The following ZC3H12B variants were observed in gnomAD, a reference collection of about 807,000 sequenced individuals.
The protein encoded by ZC3H12B is probable ribonuclease ZC3H12B.
ZC3H12B carries 7 observed loss-of-function variants against 43.9 expected under a neutral mutation model. That is an observed-to-expected ratio of 0.16 (90% CI 0.09 to 0.30). The LOEUF (loss-of-function observed/expected upper bound fraction) is 0.30. Ranked by LOEUF, ZC3H12B falls within the 10% of genes least tolerant of loss-of-function variation. ZC3H12B has a pLI of 1.00. For synonymous variants in ZC3H12B, 222 were observed against 241.7 expected, an observed-to-expected ratio of 0.92 and a Z score of 0.76; for missense variants, 475 against 670.2, an observed-to-expected ratio of 0.71 and a Z score of 3.22.
upstream of ZC3H12B, among the ~76,000 whole-genome samples, chrX:65,488,123 G>A (rs931992571): frequency 9.0e-6 from 1 of 110,762 alleles, no homozygotes; most frequent in Admixed American, 9.6e-5. Context: ...CGCCCGCCTC[G>A]GCCTCCCAAA....
upstream of ZC3H12B, among the ~76,000 whole-genome samples, chrX:65,364,435 A>T (rs1444313210): frequency 9.2e-6 from 1 of 108,732 alleles, no homozygotes; most frequent in East Asian, 2.9e-4. Flanking sequence ...AACTAGAGTC[A>T]TTCACTGCAA....
At chrX:65,363,246 A>G (rs2066127988), upstream of ZC3H12B, among the ~76,000 whole-genome samples, 1 of 110,882 alleles carries the variant, frequency 9.0e-6, no homozygotes, top group Non-Finnish European at 1.9e-5. Flanking sequence ...TTCAACATTT[A>G]TTCTCCAAAG....
chrX:65,474,710 A>T (rs766542320), intron 3 of ZC3H12B, among the ~76,000 whole-genome samples: 2 of 110,906 alleles, frequency 1.8e-5, no homozygotes, highest in African/African-American at 6.6e-5. Context: ...TCCTGGGCTT[A>T]AGTGATTCTC....
the ZC3H12B span, chrX:65,357,131 C>T: frequency 1.0e-5 from 5 of 487,978 alleles, no homozygotes; most frequent in Non-Finnish European, 1.1e-5. Context: ...TTTGACTTCA[C>T]ATGGGGGCTC....
chrX:65,167,537 G>T, the ZC3H12B span, among the ~76,000 whole-genome samples: 1 of 111,427 alleles, frequency 9.0e-6, no homozygotes, highest in African/African-American at 3.3e-5. Context: ...CTCTTCTTTG[G>T]TTCCATGTTA....
chrX:65,442,173 A>G (rs1263897198), intron 3 of ZC3H12B, among the ~76,000 whole-genome samples: 2 of 109,118 alleles, frequency 1.8e-5, no homozygotes, highest in African/African-American at 6.7e-5. Context: ...AGCATTATAC[A>G]GATTACCTCC....
chrX:65,129,723 A>G, the ZC3H12B span, among the ~76,000 whole-genome samples: 1 of 111,030 alleles, frequency 9.0e-6, no homozygotes, highest in African/African-American at 3.3e-5. Flanking sequence ...GAAAAATAAC[A>G]TAAAATAGTG....
At chrX:65,068,874 G>A in the ZC3H12B span, among the ~76,000 whole-genome samples, 1 of 109,596 alleles carries the variant, frequency 9.1e-6, no homozygotes, top group African/African-American at 3.3e-5. Context: ...ATGCTTGAAG[G>A]ATATTTTGGT....
chrX:65,304,630 C>A, the ZC3H12B span, among the ~76,000 whole-genome samples: 1,158 of 102,031 alleles, frequency 0.011, 12 homozygotes, highest in Non-Finnish European at 0.016. Context: ...AAAAAAAAAA[C>A]AAAAAACAAA....
chrX:65,381,366 C>T (rs144207523), intron 2 of ZC3H12B, among the ~76,000 whole-genome samples: 128 of 111,453 alleles, frequency 1.1e-3, no homozygotes, highest in African/African-American at 3.6e-3. Context: ...GGGTACATAA[C>T]GAAATGAAGG....
chrX:65,050,007 G>A, the ZC3H12B span, among the ~76,000 whole-genome samples: 2 of 111,309 alleles, frequency 1.8e-5, no homozygotes. Flanking sequence ...TTGGTCTGAA[G>A]ATATTTTGAA....
At chrX:65,418,928 T>C (rs184465707) in intron 3 of ZC3H12B, among the ~76,000 whole-genome samples, 1 of 111,917 alleles carries the variant, frequency 8.9e-6, no homozygotes, top group East Asian at 2.8e-4. Context: ...AGGGTAACTG[T>C]GCAACATAGA....
At chrX:65,294,871 A>C in the ZC3H12B span, among the ~76,000 whole-genome samples, 41 of 111,322 alleles carry the variant, frequency 3.7e-4, no homozygotes, top group African/African-American at 1.3e-3. Flanking sequence ...ACTAGACCTA[A>C]GAAATGAGAT....
the ZC3H12B span, among the ~76,000 whole-genome samples, chrX:65,229,977 T>G: frequency 1.8e-5 from 2 of 111,752 alleles, no homozygotes; most frequent in African/African-American, 3.3e-5. Context: ...GTCAGTGTGG[T>G]GATTCCTCTG....
rs188477710 is a variant in ZC3H12B, at chrX:65,403,680, G to A, written n.407+4976G>A. On this transcript the variant is annotated intron_variant and non_coding_transcript_variant, in intron 3 of 5. Transcript: ENST00000617377. ...GAGTGTGACATGACATATTTAAAGT[G>A]TTGAAGGGAAAAAACTGTTACCCTA... Among the ~76,000 whole-genome samples, 10 of 111,608 alleles carry A rather than the reference G, an allele frequency of 9.0e-5. No homozygotes were observed. The Admixed American group carries it at 9.5e-4, about 11-fold the overall frequency.
chrX:65,494,177 G>C (rs959772072), intron 1 of ZC3H12B, among the ~76,000 whole-genome samples: 1 of 110,943 alleles, frequency 9.0e-6, no homozygotes, highest in African/African-American at 3.3e-5. Flanking sequence ...TTGGATTTTG[G>C]AGTTTTTTTT....
chrX:65,126,860 T>C, the ZC3H12B span, among the ~76,000 whole-genome samples: 1 of 108,830 alleles, frequency 9.2e-6, no homozygotes, highest in Admixed American at 1.0e-4. Context: ...TTGTGATTGT[T>C]TTTTTATTTA....
rs182207461 is a variant in ZC3H12B, at chrX:65,389,404, C to T, written n.296-9189C>T. ...CTCAGACTGCTGTGCTAGCAGTGAG[C>T]GGGGCTCCATGGGCGTAGGACTCTC... is the stretch of plus-strand genomic sequence containing the variant. On this transcript the variant is annotated intron_variant and non_coding_transcript_variant, in intron 2 of 5. Transcript: ENST00000617377. 9.6e-3 allele frequency among the ~76,000 whole-genome samples: 1,075 copies of T among 112,290 alleles called. 6 individuals carry two copies. The highest frequency in any genetic ancestry group is 0.016 in the Non-Finnish European group (842 of 53,206).
chrX:65,228,121 G>A, the ZC3H12B span, among the ~76,000 whole-genome samples: 2 of 111,731 alleles, frequency 1.8e-5, no homozygotes, highest in South Asian at 7.4e-4. Flanking sequence ...GAACATTGAT[G>A]CAAAAATCCT....
Sources: allele counts gnomAD v4.1 joint callset (sites outside exome capture counted in the v4.1 genomes callset), GRCh38; gene constraint gnomAD v4.1.1; transcripts MANE v1.5; gene names NCBI Gene and HGNC (gene_info 2026-07-23, HGNC 2026-07-21).